Variants in NDUFB2 observed in about 807,000 individuals in gnomAD.
NDUFB2 encodes the protein NADH dehydrogenase [ubiquinone] 1 beta subcomplex subunit 2, mitochondrial.
In NDUFB2, 13 loss-of-function variants were observed where a neutral mutation model predicts 13.4. The observed-to-expected ratio is 0.97, with a 90% confidence interval of 0.63 to 1.54. The LOEUF is 1.54. Ranked by LOEUF, NDUFB2 falls within the 40% of genes most tolerant of loss-of-function variation. The pLI is 0.00. For missense variants in NDUFB2, 150 were observed against 139.7 expected, an observed-to-expected ratio of 1.07 and a Z score of -0.37; for synonymous variants, 47 against 50.6, an observed-to-expected ratio of 0.93 and a Z score of 0.30.
At chr7:140,697,203 G>C (rs978812147) in intron 1 of NDUFB2, 8 of 647,164 alleles carry the variant, frequency 1.2e-5, no homozygotes, top group South Asian at 1.2e-4. Flanking sequence ...CTCCTGGAGC[G>C]AGGCGGGGGG....
chr7:140,698,389 C>T (rs1794848315), intron 1 of NDUFB2: 2 of 1,195,794 alleles, frequency 1.7e-6, no homozygotes, highest in Non-Finnish European at 2.2e-6. Flanking sequence ...TAGCAGAATA[C>T]GAGAGAGAAT....
chr7:140,706,060 T>TATGTTATGTTATATG (rs1402496959), intron 3 of NDUFB2: 4 of 125,038 alleles, frequency 3.2e-5, no homozygotes, highest in African/African-American at 1.4e-4. Flanking sequence ...TATGTTATGT[T>TATGTTATGTTATATG]TTATGTTATG....
At chr7:140,704,737 C>T (rs1420873737) in intron 2 of NDUFB2, 123 bp from the exon 3 acceptor site, 19 of 604,536 alleles carry the variant, frequency 3.1e-5, no homozygotes, top group Non-Finnish European at 4.9e-5. Flanking sequence ...GAATTTGTTC[C>T]TGTGGTCAGG....
chr7:140,699,696 C>A (rs1435889398), intron 1 of NDUFB2, among the ~76,000 whole-genome samples: 1 of 151,922 alleles, frequency 6.6e-6, no homozygotes, highest in South Asian at 2.1e-4. Flanking sequence ...CCGGTGAAGG[C>A]AGCTTCAGTG....
chr7:140,703,389 C>A (rs1031635954), intron 2 of NDUFB2, among the ~76,000 whole-genome samples: 1 of 151,446 alleles, frequency 6.6e-6, no homozygotes, highest in Non-Finnish European at 1.5e-5. Flanking sequence ...ACTCTGGTGC[C>A]TCAGTCCCTT....
At chr7:140,702,156 T>C (rs1205222850) in intron 1 of NDUFB2, 4 of 645,774 alleles carry the variant, frequency 6.2e-6, no homozygotes, top group Middle Eastern at 6.5e-4. Flanking sequence ...CTCTTAAAAA[T>C]TTTTTATCCA....
chr7:140,697,949 C>T (rs1794840065), intron 1 of NDUFB2: 1 of 1,260,022 alleles, frequency 7.9e-7, no homozygotes, highest in African/African-American at 1.5e-5. Context: ...ATTCTCCAGC[C>T]TCGGCCTCCC....
At chr7:140,696,910 C>A in intron 1 of NDUFB2, 68 bp downstream of exon 1, 1 of 1,417,680 alleles carries the variant, frequency 7.1e-7, no homozygotes. Flanking sequence ...CTGGGACGCT[C>A]TCACCTTGAC....
intron 2 of NDUFB2, among the ~76,000 whole-genome samples, chr7:140,703,296 G>A (rs574121700): frequency 5.7e-5 from 7 of 122,892 alleles, no homozygotes; most frequent in African/African-American, 1.9e-4. Context: ...TTTTTTTTGA[G>A]ACACAGTTTC....
chr7:140,696,794 T>C lies in NDUFB2; in HGVS notation c.50T>C (p.Leu17Pro). ...TCTTTCGCTCGCGTTGGAGGCCGCC[T>C]TTTCAGAAGCGGCTGCGCACGGACT... The part of the protein sequence containing the change: ...LASFARVGGR[L>P]FRSGCARTAG... Residue 17 changes from leucine to proline, a missense_variant, in exon 1 of 4, where the codon CTT (leucine) becomes CCT (proline). Transcript: ENST00000247866. The C allele has an allele frequency of 1.2e-6, 2 of 1,609,060 alleles. No individual in the cohort carries two copies. The highest frequency in any genetic ancestry group is 1.7e-6 in the Non-Finnish European group (2 of 1,178,062).
intron 1 of NDUFB2, chr7:140,697,997 C>G: frequency 7.8e-7 from 1 of 1,288,266 alleles, no homozygotes; most frequent in Non-Finnish European, 1.0e-6. Flanking sequence ...TGCGCTTGGT[C>G]TCACTAAAGT....
chr7:140,700,220 T>G (rs1294101432), intron 1 of NDUFB2: 2 of 151,920 alleles, frequency 1.3e-5, no homozygotes, highest in African/African-American at 2.4e-5. Flanking sequence ...GTCTCCCAGG[T>G]TCAAGTGATT....
At chr7:140,698,907 C>T (rs987909220) in intron 1 of NDUFB2, among the ~76,000 whole-genome samples, 7 of 152,132 alleles carry the variant, frequency 4.6e-5, no homozygotes, top group African/African-American at 1.7e-4. Context: ...CCTGTAATCC[C>T]AGCACTTTGA....
At chr7:140,701,230 G>A (rs1041940938) in intron 1 of NDUFB2, 1 of 152,178 alleles carries the variant, frequency 6.6e-6, no homozygotes, top group Non-Finnish European at 1.5e-5. Flanking sequence ...TGTGTCTGTA[G>A]GCAACAGCTT....
chr7:140,702,155 AT>A, intron 1 of NDUFB2: 1 of 647,070 alleles, frequency 1.5e-6, no homozygotes, highest in Non-Finnish European at 2.8e-6. Flanking sequence ...TCTCTTAAAA[AT>A]TTTTTATCCA....
At chr7:140,698,346 T>G in intron 1 of NDUFB2, 1 of 1,338,676 alleles carries the variant, frequency 7.5e-7, no homozygotes, top group Non-Finnish European at 9.9e-7. Flanking sequence ...GAGCATCTTC[T>G]ATATGGCTGC....
At chr7:140,697,298 T>G (rs1436400634) in intron 1 of NDUFB2, 3 of 702,662 alleles carry the variant, frequency 4.3e-6, no homozygotes, top group Non-Finnish European at 7.8e-6. Flanking sequence ...TTCGGCAGCC[T>G]TTAATCGGAG....
intron 1 of NDUFB2, among the ~76,000 whole-genome samples, chr7:140,698,647 A>G (rs1243387104): frequency 6.6e-6 from 1 of 152,086 alleles, no homozygotes; most frequent in Non-Finnish European, 1.5e-5. Flanking sequence ...AAGAGGGCAG[A>G]GGAGGCATCA....
At chr7:140,703,359 C>T (rs1330686351) in intron 2 of NDUFB2, among the ~76,000 whole-genome samples, 2 of 150,320 alleles carry the variant, frequency 1.3e-5, no homozygotes, top group Admixed American at 1.3e-4. Flanking sequence ...GCTGCAACCT[C>T]TGCATCCCGG....
Sources: allele counts gnomAD v4.1 joint callset (sites outside exome capture counted in the v4.1 genomes callset), GRCh38; gene constraint gnomAD v4.1.1; transcripts MANE v1.5; gene names NCBI Gene and HGNC (gene_info 2026-07-23, HGNC 2026-07-21).